Variants in SPAG17 observed in about 807,000 individuals in gnomAD.
SPAG17 encodes the protein sperm-associated antigen 17.
Under a neutral mutation model 273.6 loss-of-function variants are expected in SPAG17, and 169 were observed. That is an observed-to-expected ratio of 0.62 (90% CI 0.55 to 0.70). The LOEUF is 0.70. Ranked by LOEUF, SPAG17 falls within the 30% of genes least tolerant of loss-of-function variation. SPAG17 has a pLI of 0.00. For synonymous variants in SPAG17, 825 were observed against 873.2 expected (o/e 0.94, Z 0.97); for missense variants, 2,557 against 2,627.8 (o/e 0.97, Z 0.59).
Position 118,101,904 on chromosome 1 carries a change from A to T in SPAG17, c.470T>A (p.Leu157Ter). The T allele has an allele frequency of 6.2e-7, 1 of 1,612,630 alleles. No homozygotes were observed. The highest frequency in any genetic ancestry group is 1.3e-5 in the African/African-American group (1 of 74,750). ...TTTTGCTTTCCCTTTATCCTTTTCT[A>T]ACTTAGGTTTGTCTTCTATTACCTG... ...EKKVIEDKPK[L>*]EKDKGKAKSP... The change falls in exon 5 of 49, where the codon TTA becomes TAA. Residue 157 changes from leucine (L) to a stop codon, truncating the protein, a stop_gained. Transcript: ENST00000336338. LOFTEE classifies it high-confidence loss of function.
At chr1:118,025,442 T>A (rs1352993032) in intron 26 of SPAG17, 26 bp from the exon 27 acceptor site, 2 of 1,477,326 alleles carry the variant, frequency 1.4e-6, no homozygotes, top group African/African-American at 2.9e-5. Context: ...AGCCTTCTTG[T>A]GAACTGGACA....
At chr1:118,022,712 G>A (rs779331643) in intron 28 of SPAG17, among the ~76,000 whole-genome samples, 1 of 152,058 alleles carries the variant, frequency 6.6e-6, no homozygotes, top group African/African-American at 2.4e-5. Context: ...CCTGCTAGTA[G>A]TGCTGTCTCC....
rs141441445 is a variant in SPAG17 at position 118,160,644 on chromosome 1, A to C, written c.88-9275T>G. 1.4e-3 allele frequency among the ~76,000 whole-genome samples: 216 copies of C among 152,358 alleles called. 1 individual carries two copies. Among genetic ancestry groups the C allele is most frequent in the African/African-American group, 4.9e-3 (205 of 41,578 alleles). ...CATATCCAGGGCTACTTCTACAAAC[A>C]CAAGATTGCCCTGATTACACTAACT... On this transcript the variant is annotated intron_variant, in intron 1 of 48. Coordinates refer to ENST00000336338, the MANE Select transcript of SPAG17 (RefSeq NM_206996.4).
At chr1:118,035,211 T>G (rs1055049501) in intron 24 of SPAG17, among the ~76,000 whole-genome samples, 4 of 152,110 alleles carry the variant, frequency 2.6e-5, no homozygotes, top group African/African-American at 9.7e-5. Flanking sequence ...ATGTTACTTA[T>G]TATCTACACT....
In SPAG17 at chr1:118,052,138, C is replaced by G. The variant is rs192378232; in HGVS notation, c.2814+1864G>C. On this transcript the variant is annotated intron_variant, in intron 20 of 48. Coordinates refer to ENST00000336338, the MANE Select transcript of SPAG17 (RefSeq NM_206996.4). ...ATAACATAATACTATTATATATAAA[C>G]TATATAATATATACTATTATAATAT... Among the ~76,000 whole-genome samples, 168 of 144,582 alleles carry G rather than the reference C, an allele frequency of 1.2e-3. 1 individual carries two copies. The highest frequency in any genetic ancestry group is 4.0e-3 in the African/African-American group (159 of 39,828). 94.9% of individuals were successfully genotyped at this position (144,582 alleles called of 152,430 possible). A position where few individuals can be genotyped will look rare whatever the true frequency, so the allele number is the denominator to read the frequency against.
chr1:118,159,951 C>A (rs572111080), intron 1 of SPAG17, among the ~76,000 whole-genome samples: 8 of 152,186 alleles, frequency 5.3e-5, no homozygotes, highest in Admixed American at 2.0e-4. Flanking sequence ...TGGCTTGGAG[C>A]AAAATCTGAG....
intron 3 of SPAG17, among the ~76,000 whole-genome samples, chr1:118,136,944 T>G (rs1658401977): frequency 6.6e-6 from 1 of 152,190 alleles, no homozygotes; most frequent in African/African-American, 2.4e-5. Context: ...AAGAATTCTT[T>G]CTGCATAACT....
chr1:117,955,449 T>C, intron 48 of SPAG17: 3 of 1,229,382 alleles, frequency 2.4e-6, no homozygotes, highest in Non-Finnish European at 3.5e-6. Context: ...AAATTATAAT[T>C]GATGGTTATC....
At chr1:118,064,091 T>C (rs1652671598) in intron 18 of SPAG17, among the ~76,000 whole-genome samples, 1 of 152,092 alleles carries the variant, frequency 6.6e-6, no homozygotes, top group Admixed American at 6.5e-5. Flanking sequence ...AAACAACAGG[T>C]GCTGGAGAGG....
intron 3 of SPAG17, among the ~76,000 whole-genome samples, chr1:118,149,059 AG>A (rs1659229796): frequency 6.6e-6 from 1 of 152,198 alleles, no homozygotes. Flanking sequence ...CCTCAGGTTC[AG>A]TCTCCATGGC....
intron 4 of SPAG17, among the ~76,000 whole-genome samples, chr1:118,112,625 T>A (rs933978984): frequency 6.6e-6 from 1 of 152,240 alleles, no homozygotes; most frequent in East Asian, 1.9e-4. Context: ...ATGATATTTA[T>A]ATTTGGAGTT....
At position 118,046,829 on chromosome 1, in the gene SPAG17, A is replaced by G. The variant is rs138670736; in HGVS notation, c.2815-4787T>C. Among the ~76,000 whole-genome samples the G allele has an allele frequency of 3.8e-3, 577 of 152,328 alleles. 4 individuals are homozygous for G. Among genetic ancestry groups the G allele is most frequent in the African/African-American group, 0.013 (559 of 41,574 alleles). ...TTTAGAGTGAATATTAATGTTTCCT[A>G]TTATCAAACTGATGCAAAATGTAAA... is the stretch of plus-strand genomic sequence containing the variant. On this transcript the variant is annotated intron_variant, in intron 20 of 48. Transcript: ENST00000336338.
At chr1:118,057,221 A>C (rs1373271254) in intron 18 of SPAG17, among the ~76,000 whole-genome samples, 1 of 152,170 alleles carries the variant, frequency 6.6e-6, no homozygotes, top group East Asian at 1.9e-4. Context: ...TTTAAAAGAC[A>C]TGTATTTATA....
At chr1:118,102,326 G>T (rs1295531216) in intron 4 of SPAG17, among the ~76,000 whole-genome samples, 1 of 152,038 alleles carries the variant, frequency 6.6e-6, no homozygotes, top group East Asian at 1.9e-4. Context: ...GAGTCTCAGA[G>T]AGAGGTGGGG....
chr1:117,989,883 G>A (rs1445861897), intron 38 of SPAG17, among the ~76,000 whole-genome samples: 1 of 151,942 alleles, frequency 6.6e-6, no homozygotes, highest in Non-Finnish European at 1.5e-5. Context: ...CCGGGCCTGG[G>A]GATCAAATTT....
At chr1:118,135,983 A>T (rs1328968441) in intron 3 of SPAG17, among the ~76,000 whole-genome samples, 1 of 152,210 alleles carries the variant, frequency 6.6e-6, no homozygotes, top group Non-Finnish European at 1.5e-5. Context: ...TGTCATTAAT[A>T]ACTGCAGGCA....
intron 15 of SPAG17, among the ~76,000 whole-genome samples, chr1:118,076,907 T>TA (rs942601024): frequency 4.4e-4 from 67 of 152,032 alleles, no homozygotes; most frequent in Non-Finnish European, 2.5e-4. Flanking sequence ...GTTACTTTAT[T>TA]AAAAAAACAC....
intron 20 of SPAG17, among the ~76,000 whole-genome samples, chr1:118,047,785 C>T (rs570240516): frequency 3.3e-5 from 5 of 151,916 alleles, no homozygotes; most frequent in East Asian, 1.9e-4. Flanking sequence ...CAGGAACCCC[C>T]GGCACCTGTC....
rs745669849 is a variant in SPAG17 at position 118,151,358 on chromosome 1, C to A, written c.99G>T (p.Gln33His). The A allele has an allele frequency of 2.9e-5, 46 of 1,611,770 alleles. No homozygotes were observed. The highest frequency in any genetic ancestry group is 3.8e-5 in the Non-Finnish European group (45 of 1,178,696). The change falls in exon 2 of 49, where the codon CAG (glutamine) becomes CAT (histidine). Residue 33 changes from glutamine (Q) to histidine (H), a missense_variant. Transcript: ENST00000336338. ...IAAQFNQNDW[Q>H]ASIAFVVGNQ... Reference sequence around the variant, plus strand: ...TCCCAACCACAAAAGCAATGGAGGCCTGCCAATCGTTCTATTAAAAATCAG... The same window carrying A: ...TCCCAACCACAAAAGCAATGGAGGCATGCCAATCGTTCTATTAAAAATCAG...
Sources: gnomAD v4.1 joint callset for allele counts (sites outside exome capture counted in the v4.1 genomes callset) on GRCh38, gnomAD v4.1.1 for gene constraint, MANE v1.5 for transcripts, NCBI Gene and HGNC (gene_info 2026-07-23, HGNC 2026-07-21) for gene names.